Variants in JADE3 observed in about 807,000 individuals in gnomAD.
JADE3 encodes the protein jade family PHD finger 3.
In JADE3, 2 loss-of-function variants were observed where a neutral mutation model predicts 50.1. The ratio of observed to expected loss-of-function variants is 0.04; its 90% CI spans 0.02 to 0.13. JADE3 has a LOEUF of 0.13. JADE3 is among the 10% of genes least tolerant of loss of function. The pLI is 1.00. For missense variants in JADE3, 475 were observed against 634.4 expected (o/e 0.75, Z 2.70); for synonymous variants, 218 against 232.9 (o/e 0.94, Z 0.58).
chrX:46,947,250 C>T (rs1926903383), intron 1 of JADE3, among the ~76,000 whole-genome samples: 1 of 111,386 alleles, frequency 9.0e-6, no homozygotes, highest in African/African-American at 3.3e-5. Context: ...GAACTCCTGG[C>T]CTCAAGTGAT....
chrX:46,925,224 C>T lies in JADE3; in HGVS notation c.-12+12505C>T, dbSNP rs1926329783. Reference sequence around the variant, plus strand: ...GACATCCTCCTCCTATCACATTCTCCTTCCCAGGGTTAATTTTGATTACTA... The same window carrying T: ...GACATCCTCCTCCTATCACATTCTCTTTCCCAGGGTTAATTTTGATTACTA... On this transcript the variant is annotated intron_variant, in intron 1 of 10. Transcript: ENST00000614628. Among the ~76,000 whole-genome samples, 5 of 112,489 alleles carry T rather than the reference C, an allele frequency of 4.4e-5. No individual in the cohort carries two copies. In the South Asian group the frequency reaches 1.8e-3, roughly 42 times the overall value.
At chrX:46,966,534 G>A (rs1927372239) in intron 1 of JADE3, among the ~76,000 whole-genome samples, 1 of 111,163 alleles carries the variant, frequency 9.0e-6, no homozygotes, top group South Asian at 3.8e-4. Context: ...CTTGAAAAAA[G>A]CTTCTGGAAG....
intron 7 of JADE3, among the ~76,000 whole-genome samples, chrX:47,037,241 T>C (rs142905724): frequency 0.01 from 1,132 of 111,837 alleles, 16 homozygotes; most frequent in African/African-American, 0.035. Context: ...TTAAAGACTT[T>C]TGTTTTAAAA....
rs1602402692 is a variant in JADE3, at chrX:47,000,670, A to G, written c.284+2393A>G. On this transcript the variant is annotated intron_variant, in intron 4 of 10. Transcript: ENST00000614628. ...TGAGTTCAAGTGATTCTCATGCCTC[A>G]GCCACTTGAATAGCTGGGGTTACAG... 2.7e-5 allele frequency among the ~76,000 whole-genome samples: 3 copies of G among 111,336 alleles called. No homozygotes were observed. In the South Asian group the frequency reaches 1.2e-3, roughly 43 times the overall value.
At chrX:46,969,097 A>G (rs1556349623) in intron 1 of JADE3, among the ~76,000 whole-genome samples, 1 of 112,931 alleles carries the variant, frequency 8.9e-6, no homozygotes, top group Non-Finnish European at 1.9e-5. Flanking sequence ...TTCTCAGACC[A>G]TAATAGAATC....
intron 4 of JADE3, among the ~76,000 whole-genome samples, chrX:47,020,232 G>A (rs1556364059): frequency 9.1e-6 from 1 of 110,352 alleles, no homozygotes; most frequent in Admixed American, 9.6e-5. Context: ...TTGGGAGGCT[G>A]AGGCAGGAGA....
chrX:46,984,833 C>A, intron 1 of JADE3, 51 bp from the exon 2 acceptor site: 1 of 985,851 alleles, frequency 1.0e-6, no homozygotes. Context: ...TGACTGCCCT[C>A]TGGGATGGGT....
At chrX:47,011,428 G>A (rs781833835) in intron 4 of JADE3, among the ~76,000 whole-genome samples, 3 of 111,747 alleles carry the variant, frequency 2.7e-5, no homozygotes, top group East Asian at 5.6e-4. Flanking sequence ...GGGCTGTTAC[G>A]AATAATGGTG....
intron 8 of JADE3, among the ~76,000 whole-genome samples, chrX:47,039,836 G>A (rs1455909811): frequency 9.0e-6 from 1 of 111,631 alleles, no homozygotes; most frequent in South Asian, 3.8e-4. Context: ...CAGAGGTTTG[G>A]TGTACAGATA....
intron 4 of JADE3, among the ~76,000 whole-genome samples, chrX:47,013,707 G>T (rs979736298): frequency 5.4e-5 from 6 of 111,806 alleles, no homozygotes; most frequent in Non-Finnish European, 1.1e-4. Flanking sequence ...GGACCGTAAG[G>T]TGGATGCTTA....
intron 3 of JADE3, among the ~76,000 whole-genome samples, chrX:46,990,650 C>T (rs1927967058): frequency 9.0e-6 from 1 of 111,189 alleles, no homozygotes; most frequent in Admixed American, 9.5e-5. Context: ...ACATTGACAC[C>T]CCAATAATCA....
chrX:46,999,463 C>CATATATAACATATATATAT (rs1928228271), intron 4 of JADE3, among the ~76,000 whole-genome samples: 2 of 99,965 alleles, frequency 2.0e-5, no homozygotes, highest in Admixed American at 1.1e-4. Context: ...CATATATATA[C>CATATATAACATATATATAT]ATATATAACA....
chrX:47,010,336 C>G (rs1306437191), intron 4 of JADE3, among the ~76,000 whole-genome samples: 1 of 111,596 alleles, frequency 9.0e-6, no homozygotes, highest in African/African-American at 3.3e-5. Flanking sequence ...TCAACCGATT[C>G]TCCTGCCTCA....
chrX:46,943,452 A>C (rs782261739), intron 1 of JADE3, among the ~76,000 whole-genome samples: 1 of 112,362 alleles, frequency 8.9e-6, no homozygotes, highest in Admixed American at 9.4e-5. Flanking sequence ...TCTATTTGGC[A>C]TAAATGCATC....
chrX:46,926,021 AATTTT>A lies in JADE3; in HGVS notation c.-12+13354_-12+13358del, dbSNP rs201354375. Among the ~76,000 whole-genome samples the A allele has an allele frequency of 6.0e-3, 484 of 80,066 alleles. 5 individuals carry two copies. Among genetic ancestry groups the A allele is most frequent in the African/African-American group, 0.017 (335 of 19,363 alleles). 69.5% of individuals were successfully genotyped at this position (80,066 alleles called of 115,157 possible). On this transcript the variant is annotated intron_variant, in intron 1 of 10. Coordinates refer to ENST00000614628, the MANE Select transcript of JADE3 (RefSeq NM_014735.5). Reference sequence around the variant, plus strand: ...CAGGTGTACACCACCATGCCCAGCTAATTTTATTTTATTTTATTTTATTTTATTTT... The same window carrying A: ...CAGGTGTACACCACCATGCCCAGCTAATTTTATTTTATTTTATTTTATTTT...
intron 1 of JADE3, among the ~76,000 whole-genome samples, chrX:46,950,134 A>G (rs1556344447): frequency 8.9e-6 from 1 of 112,625 alleles, no homozygotes; most frequent in African/African-American, 3.2e-5. Flanking sequence ...TATTAAAATG[A>G]CAACTTTATT....
At chrX:46,931,863 A>T (rs184432804) in intron 1 of JADE3, among the ~76,000 whole-genome samples, 6 of 112,242 alleles carry the variant, frequency 5.3e-5, no homozygotes, top group Non-Finnish European at 9.4e-5. Flanking sequence ...AAACTTGCAT[A>T]TAATAGGCAC....
chrX:46,963,976 C>T (rs1556348341), intron 1 of JADE3, among the ~76,000 whole-genome samples: 1 of 111,960 alleles, frequency 8.9e-6, no homozygotes, highest in Non-Finnish European at 1.9e-5. Context: ...TTTAAGGCAC[C>T]AGTCTACTCC....
intron 1 of JADE3, among the ~76,000 whole-genome samples, chrX:46,956,797 C>CCCCTTCCCCTCCCCTCCCCTTT (rs1556346482): frequency 2.0e-5 from 2 of 98,311 alleles, no homozygotes; most frequent in East Asian, 6.5e-4. Context: ...TTCTCCCCTT[C>CCCCTTCCCCTCCCCTCCCCTTT]CCCTTCCCCT....
Sources: gnomAD v4.1 joint callset for allele counts (sites outside exome capture counted in the v4.1 genomes callset) on GRCh38, gnomAD v4.1.1 for gene constraint, MANE v1.5 for transcripts, NCBI Gene and HGNC (gene_info 2026-07-23, HGNC 2026-07-21) for gene names.